RBM41: variants seen among roughly 807,000 people sequenced by gnomAD.
The protein encoded by RBM41 is RNA binding motif protein 41.
RBM41 carries 14 observed loss-of-function variants against 30.8 expected under a neutral mutation model. The ratio of observed to expected loss-of-function variants is 0.45; its 90% CI spans 0.30 to 0.71. The LOEUF is 0.71. Among genes scored for constraint, RBM41 ranks in the 30% least tolerant of loss-of-function variants. The pLI, the probability that RBM41 is intolerant of heterozygous loss-of-function variation, is 0.08. For missense variants in RBM41, 276 were observed against 326.3 expected (o/e 0.85, Z 1.19); for synonymous variants, 120 against 110.1 (o/e 1.09, Z -0.56).
chrX:107,082,934 T>TA (rs1447781075), intron 6 of RBM41, among the ~76,000 whole-genome samples: 1 of 111,761 alleles, frequency 8.9e-6, no homozygotes, highest in Non-Finnish European at 1.9e-5. Context: ...AGTTTTATTC[T>TA]AGATTGTTTT....
chrX:107,065,790 G>A lies in RBM41; in HGVS notation c.*1737C>T, dbSNP rs751892061. ...TCGGCAAATATATTATATTTTATAC[G>A]TTATAGGCCAAACGATGCAACTATA... On this transcript the variant is annotated 3_prime_UTR_variant, in exon 8 of 8. Transcript: ENST00000685964. The A allele has an allele frequency of 3.4e-5, 39 of 1,131,299 alleles. No homozygotes were observed. The highest frequency in any genetic ancestry group is 6.8e-5 in the East Asian group (2 of 29,558). The allele number at this position is 1,131,299 out of a possible 1,213,427, so 93.2% of individuals were successfully genotyped here. A position where few individuals can be genotyped will look rare whatever the true frequency, so the allele number is the denominator to read the frequency against.
At chrX:107,096,033 A>C (rs1238618660) in intron 5 of RBM41, among the ~76,000 whole-genome samples, 1 of 111,762 alleles carries the variant, frequency 8.9e-6, no homozygotes, top group Non-Finnish European at 1.9e-5. Context: ...ATAATAAATA[A>C]ATTCAATAAA....
chrX:107,053,192 T>C, the RBM41 span, among the ~76,000 whole-genome samples: 1 of 113,494 alleles, frequency 8.8e-6, no homozygotes. Context: ...ACTCTTTTGT[T>C]GTGGGGCTTA....
rs947860629 is a variant in RBM41 at position 107,088,503 on chromosome X, C to T, written c.932G>A (p.Arg311His). The change falls in exon 6 of 8, where the codon CGT becomes CAT. Residue 311 changes from arginine to histidine, a missense_variant. By Grantham distance (29) the Arg-to-His change is conservative. Transcript: ENST00000685964. Reference sequence around the variant, plus strand: ...TTTTCGGATCTCTTCCTCTGACAAACGATTTCTCTGGATTTCATCTTCTGG... The same window carrying T: ...TTTTCGGATCTCTTCCTCTGACAAATGATTTCTCTGGATTTCATCTTCTGG... The part of the protein sequence containing the change: ...FVPEDEIQRN[R>H]LSEEEIRKIP... 3 of 1,209,815 alleles carry T rather than the reference C, an allele frequency of 2.5e-6. No homozygotes were observed. The highest frequency in any genetic ancestry group is 3.5e-5 in the African/African-American group (2 of 57,161).
chrX:107,117,941 TA>T (rs1296247580), intron 1 of RBM41, among the ~76,000 whole-genome samples: 48 of 111,352 alleles, frequency 4.3e-4, no homozygotes, highest in African/African-American at 1.3e-3. Context: ...GGAGATATCA[TA>T]AAAAAATATT....
the RBM41 span, among the ~76,000 whole-genome samples, chrX:107,056,273 G>A: frequency 3.6e-5 from 4 of 111,555 alleles, no homozygotes; most frequent in Admixed American, 1.9e-4. Context: ...CTTTTAATAC[G>A]CTGTTCAGTG....
chrX:107,109,656 T>C (rs957063652), intron 5 of RBM41, among the ~76,000 whole-genome samples: 3 of 111,684 alleles, frequency 2.7e-5, no homozygotes, highest in African/African-American at 9.7e-5. Context: ...CTTCTTTTAA[T>C]AAGTTCTTAA....
rs1342756125 is a variant in RBM41, at chrX:107,065,642, T to C, written c.*1885A>G. On this transcript the variant is annotated 3_prime_UTR_variant, in exon 8 of 8. Coordinates refer to ENST00000685964, the MANE Select transcript of RBM41 (RefSeq NM_001324242.2). Reference sequence around the variant, plus strand: ...AGTAAGTATATGTTTATAGTTTTTTTATATTAAACTTATTTCCTATTTCAC... The same window carrying C: ...AGTAAGTATATGTTTATAGTTTTTTCATATTAAACTTATTTCCTATTTCAC... 2.7e-6 allele frequency: 2 copies of C among 744,206 alleles called. No homozygotes were observed. Among genetic ancestry groups the C allele is most frequent in the Non-Finnish European group, 3.7e-6 (2 of 540,994 alleles). 61.3% of individuals were successfully genotyped at this position (744,206 alleles called of 1,213,427 possible). A position where few individuals can be genotyped will look rare whatever the true frequency, so the allele number is the denominator to read the frequency against.
chrX:107,101,523 TCAA>T (rs200757068), intron 5 of RBM41, among the ~76,000 whole-genome samples: 2,741 of 111,367 alleles, frequency 0.025, 98 homozygotes, highest in African/African-American at 0.084. Context: ...ACAGATACAG[TCAA>T]CAACCAGAAT....
rs1002968181 is a variant in RBM41 at position 107,078,297 on chromosome X, G to A, written c.1000-8895C>T. Among the ~76,000 whole-genome samples the A allele has an allele frequency of 4.5e-5, 5 of 111,260 alleles. No homozygotes were observed. The East Asian group carries it at 1.4e-3, about 31-fold the overall frequency. On this transcript the variant is annotated intron_variant, in intron 6 of 7. Coordinates refer to ENST00000685964, the MANE Select transcript of RBM41 (RefSeq NM_001324242.2). ...CTCTTTTGGAAAGAAGTCATTATGAGCAGCTCAAAACTAAGGAATGGGGAG... is the reference window on the plus strand; with the variant it reads ...CTCTTTTGGAAAGAAGTCATTATGAACAGCTCAAAACTAAGGAATGGGGAG...
chrX:107,087,466 T>C (rs1922134213), intron 6 of RBM41, among the ~76,000 whole-genome samples: 1 of 111,966 alleles, frequency 8.9e-6, no homozygotes. Flanking sequence ...ACAAAGTATA[T>C]GCTCCAGGGG....
chrX:107,113,327 A>G, intron 5 of RBM41, 70 bp downstream of exon 5: 2 of 971,596 alleles, frequency 2.1e-6, no homozygotes, highest in Non-Finnish European at 2.7e-6. Flanking sequence ...ATATGGAATT[A>G]AATAAGTGCT....
chrX:107,091,602 T>C (rs1922545071), intron 5 of RBM41, among the ~76,000 whole-genome samples: 1 of 112,155 alleles, frequency 8.9e-6, no homozygotes, highest in African/African-American at 3.2e-5. Context: ...TCCATCTCTG[T>C]CCCCTTTATC....
Position 107,063,484 on chromosome X carries a change from G to A in RBM41, c.*4043C>T, listed in dbSNP as rs1443319313. On this transcript the variant is annotated 3_prime_UTR_variant, in exon 8 of 8. Coordinates refer to ENST00000685964, the MANE Select transcript of RBM41 (RefSeq NM_001324242.2). ...TTCATTTAAGAAGCTATTTCAGCCT[G>A]GGCTCTTCTTTGTGGGTATCTTTTC... Among the ~76,000 whole-genome samples the A allele has an allele frequency of 8.9e-6, 1 of 111,792 alleles. No individual in the cohort carries two copies. The highest frequency in any genetic ancestry group is 1.9e-5 in the Non-Finnish European group (1 of 53,136).
downstream of RBM41, among the ~76,000 whole-genome samples, chrX:107,061,205 C>A (rs1156833630): frequency 8.9e-6 from 1 of 111,891 alleles, no homozygotes; most frequent in Admixed American, 9.5e-5. Context: ...AAAATAAGGT[C>A]TAATAGTTAA....
At chrX:107,072,142 T>C (rs961810108) in intron 6 of RBM41, among the ~76,000 whole-genome samples, 1 of 111,101 alleles carries the variant, frequency 9.0e-6, no homozygotes, top group African/African-American at 3.3e-5. Context: ...CCAGAGCAAT[T>C]AGACAAAGGA....
intron 7 of RBM41, 25 bp from the exon 8 acceptor site, chrX:107,067,718 A>T: frequency 8.5e-7 from 1 of 1,179,949 alleles, no homozygotes; most frequent in Non-Finnish European, 1.1e-6. Context: ...AAAAATTTCA[A>T]TTTACATAGG....
At chrX:107,075,712 C>CA (rs1024835705) in intron 6 of RBM41, among the ~76,000 whole-genome samples, 29 of 110,449 alleles carry the variant, frequency 2.6e-4, no homozygotes, top group East Asian at 2.0e-3. Flanking sequence ...TGGCCATTAT[C>CA]AAAAAAAACA....
At chrX:107,091,527 G>A (rs1365752518) in intron 5 of RBM41, among the ~76,000 whole-genome samples, 1 of 111,706 alleles carries the variant, frequency 9.0e-6, no homozygotes, top group Non-Finnish European at 1.9e-5. Flanking sequence ...ACTTTTAGAT[G>A]ATGCAAAATA....
Sources: gnomAD v4.1 joint callset for allele counts (sites outside exome capture counted in the v4.1 genomes callset) on GRCh38, gnomAD v4.1.1 for gene constraint, MANE v1.5 for transcripts, NCBI Gene and HGNC (gene_info 2026-07-23, HGNC 2026-07-21) for gene names.